CWF19L2: variants seen among roughly 807,000 people sequenced by gnomAD.
CWF19L2 encodes CWF19 like cell cycle control factor 2, also known as CWF19-like protein 2.
Under a neutral mutation model 111.7 loss-of-function variants are expected in CWF19L2, and 98 were observed. The observed-to-expected ratio is 0.88, with a 90% CI of 0.75 to 1.04. The LOEUF (loss-of-function observed/expected upper bound fraction) is 1.04. Among genes scored for constraint, CWF19L2 ranks in the 50% least tolerant of loss-of-function variants. CWF19L2 has a pLI of 0.00. For missense variants in CWF19L2, 1,101 were observed against 1,051.4 expected (o/e 1.05, Z -0.65); for synonymous variants, 351 against 342.9 (o/e 1.02, Z -0.26).
intron 12 of CWF19L2, among the ~76,000 whole-genome samples, chr11:107,382,727 T>A (rs574383528): frequency 6.6e-6 from 1 of 152,348 alleles, no homozygotes; most frequent in Admixed American, 6.5e-5. Flanking sequence ...TAGCTATTGT[T>A]ACAGTCTTGT....
rs1860301278 is a variant in CWF19L2 at position 107,360,070 on chromosome 11, A to G, written c.1873-6334T>C. Among the ~76,000 whole-genome samples the G allele has an allele frequency of 1.3e-5, 2 of 152,178 alleles. 1 individual carries two copies. Among genetic ancestry groups the G allele is most frequent in the African/African-American group, 4.8e-5 (2 of 41,446 alleles). The stretch of plus-strand genomic sequence containing the variant: ...AGTATTCATCACTCAAATAATGTAC[A>G]TTGCATCCATTAAGTAATTTCTCAT... On this transcript the variant is annotated intron_variant, in intron 12 of 17. Transcript: ENST00000282251.
chr11:107,442,714 GAGAGAGAA>G (rs1264159228), intron 4 of CWF19L2, among the ~76,000 whole-genome samples: 15 of 133,114 alleles, frequency 1.1e-4, no homozygotes, highest in African/African-American at 4.1e-4. Flanking sequence ...AAGAGAGAGA[GAGAGAGAA>G]AGAGAAAGAA....
intron 12 of CWF19L2, among the ~76,000 whole-genome samples, chr11:107,377,908 A>T (rs1259893316): frequency 4.0e-5 from 6 of 151,164 alleles, no homozygotes; most frequent in African/African-American, 1.2e-4. Flanking sequence ...AAGAACTCAA[A>T]CAAATTTACA....
intron 10 of CWF19L2, among the ~76,000 whole-genome samples, chr11:107,407,042 T>A (rs185303464): frequency 4.6e-5 from 7 of 152,162 alleles, no homozygotes; most frequent in Non-Finnish European, 8.8e-5. Context: ...TAGCAAGTGT[T>A]TTTCTTTTCT....
At chr11:107,436,828 A>G (rs1289555206) in intron 6 of CWF19L2, among the ~76,000 whole-genome samples, 1 of 152,154 alleles carries the variant, frequency 6.6e-6, no homozygotes, top group Non-Finnish European at 1.5e-5. Context: ...CTACCAGAAA[A>G]ATTACCTGGC....
chr11:107,343,020 T>C (rs1037781032), intron 14 of CWF19L2, among the ~76,000 whole-genome samples: 4 of 152,172 alleles, frequency 2.6e-5, no homozygotes, highest in African/African-American at 9.6e-5. Flanking sequence ...ACCTTGATTT[T>C]AGCCCCATAA....
At position 107,428,828 on chromosome 11, in the gene CWF19L2, A is replaced by G; in HGVS notation, c.1404T>C (p.His468=). The change falls in exon 8 of 18, where the codon CAT becomes CAC. Residue 468 remains histidine (H), a synonymous_variant. Coordinates refer to ENST00000282251, the MANE Select transcript of CWF19L2 (RefSeq NM_152434.3). ...VLRDDPPKKE[H]LRDTKSTFAG... ...CAAATGTAGACTTTGTATCCCGTAG[A>G]TGTTCTTTTTTTGGAGGGTCATCTC... 1 of 1,611,922 alleles carries G rather than the reference A, an allele frequency of 6.2e-7. No homozygotes were observed. The highest frequency in any genetic ancestry group is 1.1e-5 in the South Asian group (1 of 90,712).
intron 8 of CWF19L2, among the ~76,000 whole-genome samples, chr11:107,424,260 T>C (rs1159839028): frequency 6.6e-6 from 1 of 151,408 alleles, no homozygotes; most frequent in Non-Finnish European, 1.5e-5. Context: ...CACTCACCCA[T>C]ACTAACCTCA....
chr11:107,327,793 G>A (rs1049429528), intron 17 of CWF19L2, among the ~76,000 whole-genome samples: 36 of 152,078 alleles, frequency 2.4e-4, no homozygotes, highest in African/African-American at 8.5e-4. Context: ...AGGGAGGGCA[G>A]TATGGTAACA....
At chr11:107,411,787 G>C (rs1591189576) in intron 10 of CWF19L2, among the ~76,000 whole-genome samples, 1 of 152,060 alleles carries the variant, frequency 6.6e-6, no homozygotes, top group East Asian at 1.9e-4. Context: ...TTCTATTCTA[G>C]AATATATGAT....
intron 8 of CWF19L2, among the ~76,000 whole-genome samples, chr11:107,421,569 T>G (rs897151419): frequency 5.9e-5 from 9 of 151,962 alleles, no homozygotes; most frequent in Non-Finnish European, 2.9e-5. Flanking sequence ...CAAAAAGATA[T>G]CCAGATGGCA....
Position 107,418,299 on chromosome 11 carries a change from G to C in CWF19L2, c.1434-12C>G, listed in dbSNP as rs1409006020. ...CACGCTCTGGACTGCTATTGGAATA[G>C]GAAAGATTAACAGCATATGAAATAT... is the stretch of plus-strand genomic sequence containing the variant. On this transcript the variant is annotated splice_polypyrimidine_tract_variant and intron_variant, in intron 8 of 17. Transcript: ENST00000282251. 1.3e-6 allele frequency: 2 copies of C among 1,563,986 alleles called. No individual in the cohort carries two copies. Among genetic ancestry groups the C allele is most frequent in the Non-Finnish European group, 1.8e-6 (2 of 1,134,600 alleles).
At chr11:107,429,489 A>G (rs749762379) in intron 7 of CWF19L2, 38 bp from the exon 8 acceptor site, 1 of 1,466,808 alleles carries the variant, frequency 6.8e-7, no homozygotes, top group Non-Finnish European at 9.1e-7. Context: ...ATCTAAAATT[A>G]GGAACGGCTC....
intron 3 of CWF19L2, among the ~76,000 whole-genome samples, chr11:107,448,127 C>T (rs931929936): frequency 6.6e-6 from 1 of 151,904 alleles, no homozygotes; most frequent in Non-Finnish European, 1.5e-5. Context: ...AGGCAGATCA[C>T]GAGGTCAGGA....
At chr11:107,390,272 T>C (rs1479519478) in intron 11 of CWF19L2, 61 bp from the exon 12 acceptor site, 3 of 1,290,254 alleles carry the variant, frequency 2.3e-6, no homozygotes, top group Admixed American at 2.6e-5. Flanking sequence ...TATTTCTTGA[T>C]GGATTACATA....
intron 11 of CWF19L2, among the ~76,000 whole-genome samples, chr11:107,390,526 T>C (rs982191821): frequency 6.6e-6 from 1 of 152,188 alleles, no homozygotes; most frequent in Non-Finnish European, 1.5e-5. Context: ...CTCCTTATAG[T>C]TAAAATTCCT....
chr11:107,420,608 C>T (rs1020783188), intron 8 of CWF19L2, among the ~76,000 whole-genome samples: 2 of 151,962 alleles, frequency 1.3e-5, no homozygotes, highest in African/African-American at 2.4e-5. Context: ...TGTTCCAAGA[C>T]CCTCAGTGGA....
chr11:107,385,954 C>T (rs1475249427), intron 12 of CWF19L2, among the ~76,000 whole-genome samples: 3 of 152,096 alleles, frequency 2.0e-5, no homozygotes, highest in African/African-American at 7.2e-5. Flanking sequence ...TGGCATATTG[C>T]TATACTTGTA....
intron 8 of CWF19L2, among the ~76,000 whole-genome samples, chr11:107,418,587 G>C (rs1220107670): frequency 6.6e-6 from 1 of 151,906 alleles, no homozygotes; most frequent in Non-Finnish European, 1.5e-5. Flanking sequence ...ACTTTAAAAA[G>C]GAAACAAACA....
Sources: allele counts gnomAD v4.1 joint callset (sites outside exome capture counted in the v4.1 genomes callset), GRCh38; gene constraint gnomAD v4.1.1; transcripts MANE v1.5; gene names NCBI Gene and HGNC (gene_info 2026-07-23, HGNC 2026-07-21).